Variants in OSBPL9 observed in about 807,000 individuals in gnomAD.
OSBPL9 encodes oxysterol binding protein like 9.
In OSBPL9, 40 loss-of-function variants were observed where a neutral mutation model predicts 106.6. The ratio of observed to expected loss-of-function variants is 0.38; its 90% CI spans 0.29 to 0.49. The LOEUF (loss-of-function observed/expected upper bound fraction) is 0.49. Among genes scored for constraint, OSBPL9 ranks in the 20% least tolerant of loss-of-function variants. The pLI, the probability that OSBPL9 is intolerant of heterozygous loss-of-function variation, is 0.97. For missense variants in OSBPL9, 609 were observed against 887.2 expected, an observed-to-expected ratio of 0.69 and a Z score of 3.98; for synonymous variants, 269 against 295.4, an observed-to-expected ratio of 0.91 and a Z score of 0.92.
chr1:51,550,509 T>C, the OSBPL9 span, among the ~76,000 whole-genome samples: 1 of 152,204 alleles, frequency 6.6e-6, no homozygotes. Context: ...GTTTTTATTT[T>C]ATTTTATTTT....
intron 3 of OSBPL9, among the ~76,000 whole-genome samples, chr1:51,710,589 C>A (rs1372778669): frequency 6.6e-6 from 1 of 152,144 alleles, no homozygotes; most frequent in Non-Finnish European, 1.5e-5. Flanking sequence ...CTGGTTTTGT[C>A]AGTCTGAAAA....
At chr1:51,747,422 C>T (rs1314897553) in intron 6 of OSBPL9, among the ~76,000 whole-genome samples, 2 of 152,106 alleles carry the variant, frequency 1.3e-5, no homozygotes, top group African/African-American at 4.8e-5. Flanking sequence ...AAATAAAAAG[C>T]CATATATGAA....
At chr1:51,618,054 G>A (rs1193695518) in intron 1 of OSBPL9, among the ~76,000 whole-genome samples, 1 of 151,230 alleles carries the variant, frequency 6.6e-6, no homozygotes, top group Admixed American at 6.6e-5. Context: ...GTCTCGCCCT[G>A]TTGCCCAGGC....
At chr1:51,625,859 G>A (rs949189462) in intron 1 of OSBPL9, among the ~76,000 whole-genome samples, 1 of 152,126 alleles carries the variant, frequency 6.6e-6, no homozygotes, top group African/African-American at 2.4e-5. Flanking sequence ...ACTTGCAGAA[G>A]TTAAGTTTAC....
intron 3 of OSBPL9, among the ~76,000 whole-genome samples, chr1:51,713,582 C>T (rs1376885458): frequency 3.3e-5 from 5 of 152,218 alleles, no homozygotes; most frequent in Non-Finnish European, 2.9e-5. Context: ...TGCAATTCCT[C>T]TCCTGGAATT....
intron 8 of OSBPL9, among the ~76,000 whole-genome samples, chr1:51,752,028 T>A (rs748668759): frequency 3.3e-5 from 5 of 152,238 alleles, no homozygotes; most frequent in African/African-American, 4.8e-5. Context: ...GTACTGTATA[T>A]GGACTCTGTA....
At chr1:51,747,553 C>CTTTTTTTTTTTTTTTTTTTTTTTGTT in intron 6 of OSBPL9, among the ~76,000 whole-genome samples, 1 of 42,384 alleles carries the variant, frequency 2.4e-5, no homozygotes, top group African/African-American at 8.6e-5. Context: ...CTCTCCTTGG[C>CTTTTTTTTTTTTTTTTTTTTTTTGTT]TTTTTTTTTT....
chr1:51,565,219 G>A, the OSBPL9 span, among the ~76,000 whole-genome samples: 1 of 152,176 alleles, frequency 6.6e-6, no homozygotes, highest in Admixed American at 6.5e-5. Flanking sequence ...CTGCAGAGTA[G>A]CAATGTGGTG....
Position 51,789,099 on chromosome 1 carries a change from A to AC in OSBPL9, c.*1310_*1311insC. 1.2e-6 allele frequency: 1 copy of AC among 828,052 alleles called. No homozygotes were observed. Among genetic ancestry groups the AC allele is most frequent in the Non-Finnish European group, 1.9e-6 (1 of 514,750 alleles). 51.3% of individuals were successfully genotyped at this position (828,052 alleles called of 1,614,324 possible). The stretch of plus-strand genomic sequence containing the variant: ...GTTTATTAGTCTCAACAAAGGATAA[A>AC]AAGTAAATCAAATGCTATGATGCCA... On this transcript the variant is annotated 3_prime_UTR_variant, in exon 24 of 24. Transcript: ENST00000428468.
At position 51,607,859 on chromosome 1, in the gene OSBPL9, C is replaced by T. The variant is rs148749774; in HGVS notation, c.-352-6446C>T. 1.3e-3 allele frequency among the ~76,000 whole-genome samples: 197 copies of T among 152,258 alleles called. 1 individual carries two copies. Among genetic ancestry groups the T allele is most frequent in the African/African-American group, 3.7e-3 (152 of 41,540 alleles). On this transcript the variant is annotated intron_variant, in intron 2 of 25. Coordinates refer to the OSBPL9 transcript ENST00000371714. ...TTATTAAAAAATTTTAGAGGAGGAA[C>T]GAAAGGAAGTACACTTGGAAGAGGG... is the stretch of plus-strand genomic sequence containing the variant.
intron 1 of OSBPL9, among the ~76,000 whole-genome samples, chr1:51,622,666 C>T (rs1299365675): frequency 1.3e-5 from 2 of 152,186 alleles, no homozygotes; most frequent in African/African-American, 4.8e-5. Flanking sequence ...GGCCTCATTC[C>T]TCACCAGGTA....
In OSBPL9 at chr1:51,667,006, A is replaced by G. The variant is rs1047879185; in HGVS notation, c.163-2428A>G. ...CTGAATTACAGAAGTAGCAGAGAGG[A>G]TGGAGACAAGTTGGTGAACTTAATA... On this transcript the variant is annotated intron_variant, in intron 2 of 23. Coordinates refer to ENST00000428468, the MANE Select transcript of OSBPL9 (RefSeq NM_024586.6). 5.9e-5 allele frequency among the ~76,000 whole-genome samples: 9 copies of G among 152,318 alleles called. No individual in the cohort carries two copies. In the East Asian group the frequency reaches 1.2e-3, roughly 20 times the overall value.
At chr1:51,606,999 G>A (rs1318806489) in intron 2 of OSBPL9, among the ~76,000 whole-genome samples, 3 of 150,796 alleles carry the variant, frequency 2.0e-5, no homozygotes, top group South Asian at 2.1e-4. Flanking sequence ...GCAGTGAGCC[G>A]AGATCGCGCC....
intron 14 of OSBPL9, among the ~76,000 whole-genome samples, chr1:51,776,075 ATTC>A (rs1434075003): frequency 6.6e-6 from 1 of 152,086 alleles, no homozygotes; most frequent in Non-Finnish European, 1.5e-5. Context: ...CTCTAATGAA[ATTC>A]TTCTCTTTTT....
chr1:51,745,321 C>A, intron 4 of OSBPL9: 1 of 553,162 alleles, frequency 1.8e-6, no homozygotes. Context: ...GCATGTGTAA[C>A]TGCTGAGAAG....
At chr1:51,732,394 A>G (rs1298332100) in intron 4 of OSBPL9, among the ~76,000 whole-genome samples, 2 of 152,258 alleles carry the variant, frequency 1.3e-5, no homozygotes, top group Admixed American at 1.3e-4. Context: ...TGATTACTGT[A>G]GTATACTTAG....
the OSBPL9 span, among the ~76,000 whole-genome samples, chr1:51,566,790 T>A: frequency 6.6e-6 from 1 of 152,140 alleles, no homozygotes; most frequent in African/African-American, 2.4e-5. Context: ...CATTCTCTGA[T>A]CTTACCTGTC....
chr1:51,611,034 C>G (rs1424759303), intron 2 of OSBPL9, among the ~76,000 whole-genome samples: 1 of 152,032 alleles, frequency 6.6e-6, no homozygotes, highest in Non-Finnish European at 1.5e-5. Flanking sequence ...TGTTTAAAGC[C>G]CGAGGTAGCT....
intron 1 of OSBPL9, among the ~76,000 whole-genome samples, chr1:51,580,934 AT>A (rs1645217631): frequency 2.4e-3 from 1 of 414 alleles, no homozygotes; most frequent in African/African-American, 7.5e-3. Flanking sequence ...ATATATATAT[AT>A]ATATATATAT....
Sources: allele counts gnomAD v4.1 joint callset (sites outside exome capture counted in the v4.1 genomes callset), GRCh38; gene constraint gnomAD v4.1.1; transcripts MANE v1.5; gene names NCBI Gene and HGNC (gene_info 2026-07-23, HGNC 2026-07-21).